The following PRKAG2 variants were observed in gnomAD, a reference collection of about 807,000 sequenced individuals.
The protein encoded by PRKAG2 is protein kinase AMP-activated non-catalytic subunit gamma 2, also known as 5'-AMP-activated protein kinase subunit gamma-2.
Under a neutral mutation model 69.6 loss-of-function variants are expected in PRKAG2, and 26 were observed. That is an observed-to-expected ratio of 0.37 (90% CI 0.27 to 0.52). The LOEUF is 0.52. Ranked by LOEUF, PRKAG2 falls within the 20% of genes least tolerant of loss-of-function variation. PRKAG2 has a pLI of 0.90. For missense variants in PRKAG2, 557 were observed against 740.0 expected (o/e 0.75, Z 2.87); for synonymous variants, 293 against 285.0 (o/e 1.03, Z -0.28).
intron 1 of PRKAG2, among the ~76,000 whole-genome samples, chr7:151,860,049 G>A (rs1400689361): frequency 1.3e-5 from 2 of 152,204 alleles, no homozygotes; most frequent in Non-Finnish European, 2.9e-5. Flanking sequence ...ACCTGGAGCT[G>A]TAGCAGGTAT....
intron 4 of PRKAG2, among the ~76,000 whole-genome samples, chr7:151,663,284 C>G (rs1485462429): frequency 2.6e-5 from 4 of 152,170 alleles, no homozygotes; most frequent in African/African-American, 9.7e-5. Flanking sequence ...AGCCCAAAAG[C>G]AGAGTGTGTA....
At chr7:151,615,628 A>G (rs1206260361) in intron 5 of PRKAG2, among the ~76,000 whole-genome samples, 2 of 152,198 alleles carry the variant, frequency 1.3e-5, no homozygotes, top group African/African-American at 4.8e-5. Flanking sequence ...TGAAGAGACA[A>G]CCTACAGAAT....
At chr7:151,763,704 C>T (rs1430921989) in intron 3 of PRKAG2, among the ~76,000 whole-genome samples, 1 of 152,242 alleles carries the variant, frequency 6.6e-6, no homozygotes, top group African/African-American at 2.4e-5. Flanking sequence ...CATATGCCTC[C>T]TTGGCCTCTT....
intron 3 of PRKAG2, among the ~76,000 whole-genome samples, chr7:151,752,629 A>G (rs1026179990): frequency 1.3e-5 from 2 of 152,240 alleles, no homozygotes; most frequent in African/African-American, 4.8e-5. Context: ...ATACAAATCC[A>G]TGAGTCCATA....
intron 4 of PRKAG2, among the ~76,000 whole-genome samples, chr7:151,647,111 A>C (rs1057392582): frequency 6.6e-6 from 1 of 152,254 alleles, no homozygotes; most frequent in Non-Finnish European, 1.5e-5. Context: ...TCTTGCCACA[A>C]GCAAGCATGC....
At chr7:151,697,913 T>A (rs1440680466) in intron 3 of PRKAG2, among the ~76,000 whole-genome samples, 3 of 152,162 alleles carry the variant, frequency 2.0e-5, no homozygotes, top group East Asian at 3.8e-4. Flanking sequence ...TACAGAGGAC[T>A]CTTGTGTGGT....
At chr7:151,736,065 T>A (rs971557148) in intron 3 of PRKAG2, 5 of 1,532,330 alleles carry the variant, frequency 3.3e-6, no homozygotes, top group Non-Finnish European at 4.4e-6. Flanking sequence ...CAGCCCCAGG[T>A]GGCCGGGAGC....
chr7:151,734,126 G>C (rs988501742), intron 3 of PRKAG2: 2 of 152,196 alleles, frequency 1.3e-5, no homozygotes, highest in Non-Finnish European at 2.9e-5. Flanking sequence ...CTGGGTTCAA[G>C]GACTGCTGTC....
intron 3 of PRKAG2, among the ~76,000 whole-genome samples, chr7:151,760,962 G>C (rs143005758): frequency 0.015 from 2,281 of 152,312 alleles, 37 homozygotes; most frequent in South Asian, 0.034. Context: ...CTGAAAGGAG[G>C]CTAAGCCACA....
At chr7:151,769,097 T>A (rs2075891521) in intron 3 of PRKAG2, among the ~76,000 whole-genome samples, 1 of 152,244 alleles carries the variant, frequency 6.6e-6, no homozygotes. Context: ...GGCAGGCAGC[T>A]TTCTACAGTG....
At position 151,747,812 on chromosome 7, in the gene PRKAG2, T is replaced by C. The variant is rs539888934; in HGVS notation, c.466+33340A>G. 4.6e-5 allele frequency among the ~76,000 whole-genome samples: 7 copies of C among 152,152 alleles called. No individual in the cohort carries two copies. In the South Asian group the frequency reaches 1.2e-3, roughly 27 times the overall value. ...CTTTATCCCAAATGTCAGATGTTAC[T>C]ACATTCACGGACATCACTCACCTCA... On this transcript the variant is annotated intron_variant, in intron 3 of 15. Coordinates refer to ENST00000287878, the MANE Select transcript of PRKAG2 (RefSeq NM_016203.4).
At chr7:151,596,653 G>A (rs1037182809) in intron 5 of PRKAG2, among the ~76,000 whole-genome samples, 5 of 152,174 alleles carry the variant, frequency 3.3e-5, no homozygotes, top group African/African-American at 1.2e-4. Flanking sequence ...GGAGGCTGAG[G>A]CACGAGAATT....
At chr7:151,708,074 G>A (rs112913469) in intron 3 of PRKAG2, among the ~76,000 whole-genome samples, 129 of 152,298 alleles carry the variant, frequency 8.5e-4, no homozygotes, top group African/African-American at 2.8e-3. Flanking sequence ...CGCTGTCCCC[G>A]TTGAAAGCTG....
At chr7:151,710,721 A>G (rs1283809562) in intron 3 of PRKAG2, among the ~76,000 whole-genome samples, 1 of 152,166 alleles carries the variant, frequency 6.6e-6, no homozygotes, top group Non-Finnish European at 1.5e-5. Context: ...ACTTGTCACT[A>G]TCCGCCCAGA....
chr7:151,851,870 A>G (rs952153767), intron 1 of PRKAG2, among the ~76,000 whole-genome samples: 5 of 151,996 alleles, frequency 3.3e-5, no homozygotes, highest in African/African-American at 1.2e-4. Context: ...CTCAGACTCA[A>G]CTTCCCCAGG....
chr7:151,814,059 G>A lies in PRKAG2; in HGVS notation c.115-27518C>T, dbSNP rs112115695. Among the ~76,000 whole-genome samples the A allele has an allele frequency of 0.016, 2,405 of 152,276 alleles. 65 individuals carry two copies. The highest frequency in any genetic ancestry group is 0.055 in the African/African-American group (2,274 of 41,542). ...GGTGGGAAGGCAGGGAGGAGACCCT[G>A]TACCCAGGACCCAGTGTGTGAGGCA... is the stretch of plus-strand genomic sequence containing the variant. On this transcript the variant is annotated intron_variant, in intron 1 of 15. Coordinates refer to ENST00000287878, the MANE Select transcript of PRKAG2 (RefSeq NM_016203.4). This position sits in a 1 kb window ranked among gnomAD's most constrained non-coding sequence, Gnocchi z 4.8.
intron 4 of PRKAG2, among the ~76,000 whole-genome samples, chr7:151,664,231 G>A (rs962962248): frequency 6.6e-6 from 1 of 152,132 alleles, no homozygotes; most frequent in Non-Finnish European, 1.5e-5. Context: ...TTCAAATCTT[G>A]GCTTTAGCGT....
At chr7:151,857,118 G>A (rs1386896452) in intron 1 of PRKAG2, among the ~76,000 whole-genome samples, 3 of 136,722 alleles carry the variant, frequency 2.2e-5, no homozygotes, top group Admixed American at 7.9e-5. Flanking sequence ...GGCAAGGGCT[G>A]ATCATTGCTG....
intron 3 of PRKAG2, among the ~76,000 whole-genome samples, chr7:151,757,593 G>C (rs952670783): frequency 6.6e-6 from 1 of 152,190 alleles, no homozygotes. Flanking sequence ...GAAACGGACA[G>C]GGGGAAAATC....
Sources: gnomAD v4.1 joint callset for allele counts (sites outside exome capture counted in the v4.1 genomes callset) on GRCh38, gnomAD v4.1.1 for gene constraint, Gnocchi (gnomAD v3.1) non-coding constraint, MANE v1.5 for transcripts, NCBI Gene and HGNC (gene_info 2026-07-23, HGNC 2026-07-21) for gene names.